The following CACNA2D3 variants were observed in gnomAD, a reference collection of about 807,000 sequenced individuals.
CACNA2D3 encodes voltage-dependent calcium channel subunit alpha-2/delta-3.
A neutral mutation model predicts 160.6 loss-of-function variants in CACNA2D3; 60 were observed. The observed-to-expected ratio is 0.37, with a 90% CI of 0.30 to 0.46. The LOEUF is 0.46. Ranked by LOEUF, CACNA2D3 falls within the 20% of genes least tolerant of loss-of-function variation. The probability of loss-of-function intolerance (pLI) is 1.00; values close to 1 mark genes in which losing one functional copy is unlikely to be tolerated. For synonymous variants in CACNA2D3, 558 were observed against 492.9 expected (o/e 1.13, Z -1.75); for missense variants, 1,205 against 1,365.0 (o/e 0.88, Z 1.85).
intron 4 of CACNA2D3, among the ~76,000 whole-genome samples, chr3:54,461,363 C>A (rs1025542200): frequency 6.6e-6 from 1 of 151,004 alleles, no homozygotes; most frequent in Non-Finnish European, 1.5e-5. Flanking sequence ...ACCAGTTCCT[C>A]CTTGTACCTC....
intron 2 of CACNA2D3, among the ~76,000 whole-genome samples, chr3:54,298,442 C>A (rs144501221): frequency 6.6e-6 from 1 of 152,152 alleles, no homozygotes; most frequent in South Asian, 2.1e-4. Context: ...AACCGACAGA[C>A]GAGAGTTATT....
At chr3:54,597,432 C>G (rs1026487105) in intron 9 of CACNA2D3, among the ~76,000 whole-genome samples, 1 of 152,138 alleles carries the variant, frequency 6.6e-6, no homozygotes, top group African/African-American at 2.4e-5. Context: ...CCCACCTTCA[C>G]CCCTGAAAGT....
intron 2 of CACNA2D3, among the ~76,000 whole-genome samples, chr3:54,232,827 G>T (rs1701800907): frequency 6.6e-6 from 1 of 152,202 alleles, no homozygotes; most frequent in Non-Finnish European, 1.5e-5. Context: ...ATTGTAAACT[G>T]TGCCCTTATT....
chr3:54,516,876 T>C (rs939780515), intron 5 of CACNA2D3, among the ~76,000 whole-genome samples: 4 of 152,034 alleles, frequency 2.6e-5, no homozygotes, highest in Admixed American at 2.6e-4. Flanking sequence ...GCCCCCAAAA[T>C]CCAGATGAAG....
intron 4 of CACNA2D3, among the ~76,000 whole-genome samples, chr3:54,404,442 A>T (rs1195353083): frequency 1.3e-5 from 2 of 152,170 alleles, no homozygotes; most frequent in African/African-American, 4.8e-5. Context: ...TCCTTTCTTG[A>T]TGAAAACTCT....
intron 4 of CACNA2D3, among the ~76,000 whole-genome samples, chr3:54,478,758 C>G (rs1441449457): frequency 8.0e-6 from 1 of 124,872 alleles, no homozygotes; most frequent in Non-Finnish European, 1.7e-5. Context: ...TCCACGCTGT[C>G]TACACTACTC....
At chr3:54,198,603 C>T (rs567745467) in intron 2 of CACNA2D3, among the ~76,000 whole-genome samples, 1 of 152,362 alleles carries the variant, frequency 6.6e-6, no homozygotes, top group African/African-American at 2.4e-5. Context: ...CTTTGTTCTC[C>T]TGCTTTGGCA....
chr3:54,871,541 C>T lies in CACNA2D3; in HGVS notation c.1629C>T (p.Tyr543=), dbSNP rs36098777. The T allele has an allele frequency of 1.9e-3, 2,984 of 1,610,096 alleles. 49 individuals are homozygous for T. The African/African-American group carries it at 0.034, about 18-fold the overall frequency. The part of the protein sequence containing the change: ...ILTHPELRLL[Y]EEGKKRRKPN... Reference sequence around the variant, plus strand: ...CTTTTTCTTCTTCCCCTTGCTAGTACGAAGAAGGAAAAAAGCGAAGGAAAC... The same window carrying T: ...CTTTTTCTTCTTCCCCTTGCTAGTATGAAGAAGGAAAAAAGCGAAGGAAAC... Residue 543 remains tyrosine, a splice_region_variant and synonymous_variant, in exon 18 of 38, where the codon TAC becomes TAT. Coordinates refer to ENST00000474759, the MANE Select transcript of CACNA2D3 (RefSeq NM_018398.3).
intron 5 of CACNA2D3, among the ~76,000 whole-genome samples, chr3:54,556,088 A>G (rs1426280864): frequency 6.6e-6 from 1 of 152,186 alleles, no homozygotes; most frequent in African/African-American, 2.4e-5. Context: ...AAACCATGAG[A>G]TATGGGTATG....
rs553000692 is a variant in CACNA2D3 at position 54,450,853 on chromosome 3, A to T, written c.382-52639A>T. 3.9e-5 allele frequency among the ~76,000 whole-genome samples: 6 copies of T among 152,300 alleles called. 1 individual carries two copies. The highest frequency in any genetic ancestry group is 1.2e-4 in the African/African-American group (5 of 41,570). Reference sequence around the variant, plus strand: ...CTTCTAACTCATTTATTCAGGTGTCAGGGAGACTCAGGGTGTGGTGCATCC... The same window carrying T: ...CTTCTAACTCATTTATTCAGGTGTCTGGGAGACTCAGGGTGTGGTGCATCC... On this transcript the variant is annotated intron_variant, in intron 4 of 37. Coordinates refer to ENST00000474759, the MANE Select transcript of CACNA2D3 (RefSeq NM_018398.3).
At chr3:54,656,759 C>T (rs144358582) in intron 11 of CACNA2D3, among the ~76,000 whole-genome samples, 1 of 152,236 alleles carries the variant, frequency 6.6e-6, no homozygotes, top group African/African-American at 2.4e-5. Flanking sequence ...CAGAAGCAGG[C>T]AGGCACCCTG....
intron 8 of CACNA2D3, among the ~76,000 whole-genome samples, chr3:54,580,789 C>T (rs951665673): frequency 1.3e-5 from 2 of 152,232 alleles, no homozygotes; most frequent in African/African-American, 4.8e-5. Context: ...GCCTAGCCTG[C>T]ACCAGAGCCT....
chr3:54,949,329 A>T (rs1013832468), intron 27 of CACNA2D3, among the ~76,000 whole-genome samples: 1 of 152,142 alleles, frequency 6.6e-6, no homozygotes. Context: ...AGGTGTGGAT[A>T]AGGAGGGAGG....
At chr3:54,534,130 C>G (rs981847373) in intron 5 of CACNA2D3, among the ~76,000 whole-genome samples, 1 of 152,138 alleles carries the variant, frequency 6.6e-6, no homozygotes, top group African/African-American at 2.4e-5. Context: ...GCCGTCTTCT[C>G]TCGCCTGGCT....
rs1402392290 is a variant in CACNA2D3 at position 54,281,397 on chromosome 3, C to T, written c.205-39045C>T. The stretch of plus-strand genomic sequence containing the variant: ...AAGGCTACCTGCCTGTGTCAGACCA[C>T]GTGGGAGCTAGGTATAGAGGCCTGG... On this transcript the variant is annotated intron_variant, in intron 2 of 37. Coordinates refer to ENST00000474759, the MANE Select transcript of CACNA2D3 (RefSeq NM_018398.3). Among the ~76,000 whole-genome samples, 6 of 152,080 alleles carry T rather than the reference C, an allele frequency of 3.9e-5. 1 individual carries two copies. The highest frequency in any genetic ancestry group is 4.2e-4 in the South Asian group (2 of 4,814).
intron 9 of CACNA2D3, among the ~76,000 whole-genome samples, chr3:54,612,480 A>G (rs1317764087): frequency 6.6e-6 from 1 of 152,098 alleles, no homozygotes; most frequent in Non-Finnish European, 1.5e-5. Context: ...GAAGGCCTGA[A>G]CCCCAAGTGA....
At chr3:54,706,218 T>TTTC in intron 11 of CACNA2D3, among the ~76,000 whole-genome samples, 2 of 152,342 alleles carry the variant, frequency 1.3e-5, no homozygotes, top group East Asian at 3.9e-4. Flanking sequence ...TTCTTGCACT[T>TTTC]TCTTCAGCTG....
At chr3:54,876,412 C>T (rs1699659114) in intron 18 of CACNA2D3, 2 of 152,184 alleles carry the variant, frequency 1.3e-5, no homozygotes, top group Admixed American at 6.5e-5. Context: ...CCTCCTCTGG[C>T]AAGGAGGACA....
At chr3:54,880,894 T>C (rs1387388813) in intron 21 of CACNA2D3, 31 bp downstream of exon 21, 3 of 1,599,482 alleles carry the variant, frequency 1.9e-6, no homozygotes, top group African/African-American at 1.3e-5. Context: ...TCTTATCCTT[T>C]GGTGTGGGAG....
Sources: allele counts gnomAD v4.1 joint callset (sites outside exome capture counted in the v4.1 genomes callset), GRCh38; gene constraint gnomAD v4.1.1; transcripts MANE v1.5; gene names NCBI Gene and HGNC (gene_info 2026-07-23, HGNC 2026-07-21).